Variants in APLP2 observed in about 807,000 individuals in gnomAD.
APLP2 encodes the protein CDEI box-binding protein.
Under a neutral mutation model 89.9 loss-of-function variants are expected in APLP2, and 53 were observed. The observed-to-expected ratio is 0.59, with a 90% CI of 0.47 to 0.74. The LOEUF (loss-of-function observed/expected upper bound fraction) is 0.74, where lower values mean the gene tolerates loss of function less well. APLP2 is among the 30% of genes least tolerant of loss of function. The pLI, the probability that APLP2 is intolerant of heterozygous loss-of-function variation, is 0.00. For missense variants in APLP2, 973 were observed against 975.9 expected (o/e 1.00, Z 0.04); for synonymous variants, 372 against 348.6 (o/e 1.07, Z -0.75).
In APLP2 at chr11:130,135,427, G is replaced by T. The variant is rs570715630; in HGVS notation, c.1685-136G>T. ...GGGTCCCTGGTGTTGGGGCTCTGTG[G>T]TGCCACAGAATCAAGGAAGGTGTTT... is the stretch of plus-strand genomic sequence containing the variant. On this transcript the variant is annotated intron_variant, in intron 12 of 16. Coordinates refer to ENST00000338167, the MANE Select transcript of APLP2 (RefSeq NM_001142276.2). 36 of 1,048,238 alleles carry T rather than the reference G, an allele frequency of 3.4e-5. No individual in the cohort carries two copies. The African/African-American group carries it at 5.3e-4, about 15-fold the overall frequency. 64.9% of individuals were successfully genotyped at this position (1,048,238 alleles called of 1,614,324 possible). A position where few individuals can be genotyped will look rare whatever the true frequency, so the allele number is the denominator to read the frequency against.
intron 1 of APLP2, among the ~76,000 whole-genome samples, chr11:130,096,243 T>C (rs996504475): frequency 7.9e-5 from 12 of 152,120 alleles, no homozygotes; most frequent in African/African-American, 2.4e-4. Flanking sequence ...AGGGTGGTGC[T>C]GGACTGGAGG....
intron 13 of APLP2, chr11:130,137,308 T>C: frequency 1.2e-6 from 2 of 1,611,964 alleles, no homozygotes; most frequent in Non-Finnish European, 1.7e-6. Context: ...TTGTCCAAGA[T>C]GTTCCCTTTA....
At chr11:130,083,382 A>AT (rs143847120) in intron 1 of APLP2, among the ~76,000 whole-genome samples, 23,242 of 149,242 alleles carry the variant, frequency 0.16, 2,689 homozygotes, top group African/African-American at 0.34. Context: ...TGAGATCTAA[A>AT]TTTTAAGTGC....
At chr11:130,116,019 A>G (rs1052787840) in intron 3 of APLP2, among the ~76,000 whole-genome samples, 2 of 152,218 alleles carry the variant, frequency 1.3e-5, no homozygotes, top group Non-Finnish European at 2.9e-5. Context: ...GGAAATGTAT[A>G]TACTTTTAAA....
chr11:130,079,680 C>T (rs1426320876), intron 1 of APLP2, among the ~76,000 whole-genome samples: 1 of 152,104 alleles, frequency 6.6e-6, no homozygotes, highest in East Asian at 1.9e-4. Flanking sequence ...TGAGTATATT[C>T]TGTGAATTGT....
intron 11 of APLP2, among the ~76,000 whole-genome samples, chr11:130,132,619 T>TA (rs1555144885): frequency 0.1 from 13,886 of 137,550 alleles, 938 homozygotes; most frequent in East Asian, 0.22. Flanking sequence ...TTTTTTTTTT[T>TA]AAATAATGAA....
In APLP2 at chr11:130,105,285, G is replaced by T. The variant is rs919494216; in HGVS notation, c.106-4144G>T. 1.3e-5 allele frequency among the ~76,000 whole-genome samples: 2 copies of T among 152,132 alleles called. 1 individual carries two copies. The highest frequency in any genetic ancestry group is 4.1e-4 in the South Asian group (2 of 4,824). ...ATACGTGTATACTGGGTGTGATGGC[G>T]CATGCCTGTGGTCCCTGCTACTCAG... On this transcript the variant is annotated intron_variant, in intron 1 of 16. Transcript: ENST00000338167.
At chr11:130,074,577 T>C (rs1271999465) in intron 1 of APLP2, among the ~76,000 whole-genome samples, 1 of 152,202 alleles carries the variant, frequency 6.6e-6, no homozygotes, top group African/African-American at 2.4e-5. Flanking sequence ...ATTTTCTTTC[T>C]AAAATAACAG....
rs755134132 is a variant in APLP2, at chr11:130,069,950, G to A, written c.-28G>A. ...GGAGTCCGAGTGTGTGAGCTTGAGAGCCGCGCGCTAGAGCGACCCGGCGAG... is the reference window on the plus strand; with the variant it reads ...GGAGTCCGAGTGTGTGAGCTTGAGAACCGCGCGCTAGAGCGACCCGGCGAG... On this transcript the variant is annotated 5_prime_UTR_variant, in exon 1 of 17. Coordinates refer to ENST00000338167, the MANE Select transcript of APLP2 (RefSeq NM_001142276.2). 2 of 1,484,728 alleles carry A rather than the reference G, an allele frequency of 1.3e-6. No homozygotes were observed. The highest frequency in any genetic ancestry group is 2.5e-5 in the South Asian group (2 of 81,498). 92.0% of individuals were successfully genotyped at this position (1,484,728 alleles called of 1,614,324 possible).
At chr11:130,070,648 C>A (rs752985675) in intron 1 of APLP2, 1 of 1,467,240 alleles carries the variant, frequency 6.8e-7, no homozygotes, top group Non-Finnish European at 9.0e-7. Flanking sequence ...CGCGCCAGGC[C>A]GCCCGCTGCT....
intron 1 of APLP2, chr11:130,070,829 T>TC: frequency 8.4e-7 from 1 of 1,193,516 alleles, no homozygotes; most frequent in Non-Finnish European, 1.1e-6. Flanking sequence ...AAAATCGTCC[T>TC]CTTCGGGTGT....
intron 7 of APLP2, among the ~76,000 whole-genome samples, chr11:130,124,658 G>A (rs781365991): frequency 1.3e-5 from 2 of 152,182 alleles, no homozygotes; most frequent in Non-Finnish European, 2.9e-5. Context: ...TATAGCTTCT[G>A]ACGGTTTTTC....
chr11:130,102,836 C>G (rs1469717535), intron 1 of APLP2, among the ~76,000 whole-genome samples: 1 of 152,082 alleles, frequency 6.6e-6, no homozygotes, highest in East Asian at 1.9e-4. Context: ...TAAACTGTTC[C>G]CCAAGCCAAA....
At chr11:130,105,921 T>C (rs1243025724) in intron 1 of APLP2, among the ~76,000 whole-genome samples, 1 of 152,134 alleles carries the variant, frequency 6.6e-6, no homozygotes, top group Non-Finnish European at 1.5e-5. Context: ...CAGTCTGGTC[T>C]CGAACTCCCG....
chr11:130,138,008 G>A (rs377430084), intron 13 of APLP2, among the ~76,000 whole-genome samples: 12 of 152,172 alleles, frequency 7.9e-5, no homozygotes, highest in African/African-American at 2.7e-4. Flanking sequence ...CTGAGATGAC[G>A]TGACTTGCTC....
At chr11:130,142,669 A>G (rs1247119666) in intron 16 of APLP2, among the ~76,000 whole-genome samples, 1 of 152,156 alleles carries the variant, frequency 6.6e-6, no homozygotes, top group African/African-American at 2.4e-5. Flanking sequence ...GCTGGAGTGC[A>G]GTGGCGCGAT....
At chr11:130,090,678 C>T (rs539947818) in intron 1 of APLP2, among the ~76,000 whole-genome samples, 4 of 152,276 alleles carry the variant, frequency 2.6e-5, no homozygotes, top group East Asian at 3.9e-4. Context: ...TACACAGACA[C>T]GGCAACCATC....
chr11:130,081,305 TC>T (rs1591761732), intron 1 of APLP2, among the ~76,000 whole-genome samples: 1 of 152,208 alleles, frequency 6.6e-6, no homozygotes, highest in East Asian at 1.9e-4. Context: ...AAATAGGTAT[TC>T]ATGCTGTGAA....
chr11:130,070,893 C>A, intron 1 of APLP2: 1 of 642,890 alleles, frequency 1.6e-6, no homozygotes, highest in Non-Finnish European at 2.0e-6. Flanking sequence ...ATCCCCGCTG[C>A]GAGAAAGGCG....
Sources: gnomAD v4.1 joint callset for allele counts (sites outside exome capture counted in the v4.1 genomes callset) on GRCh38, gnomAD v4.1.1 for gene constraint, MANE v1.5 for transcripts, NCBI Gene and HGNC (gene_info 2026-07-23, HGNC 2026-07-21) for gene names.